TOP3A: variants seen among roughly 807,000 people sequenced by gnomAD.
TOP3A encodes the protein DNA topoisomerase III alpha.
TOP3A carries 64 observed loss-of-function variants against 111.3 expected under a neutral mutation model. That is an observed-to-expected ratio of 0.57 (90% CI 0.47 to 0.71). The LOEUF (loss-of-function observed/expected upper bound fraction) is 0.71, where lower values mean the gene tolerates loss of function less well. TOP3A is among the 30% of genes least tolerant of loss of function. The pLI, the probability that TOP3A is intolerant of heterozygous loss-of-function variation, is 0.00. For synonymous variants in TOP3A, 484 were observed against 485.1 expected (o/e 1.00, Z 0.03); for missense variants, 1,104 against 1,285.0 (o/e 0.86, Z 2.15).
chr17:18,284,403 CT>C (rs1178680035), intron 15 of TOP3A, among the ~76,000 whole-genome samples: 1 of 152,136 alleles, frequency 6.6e-6, no homozygotes, highest in Non-Finnish European at 1.5e-5. Context: ...AGCCCCTCTG[CT>C]CTTCCTGAGG....
chr17:18,302,695 G>T lies in TOP3A; in HGVS notation c.528C>A (p.Ala176=). 4 of 1,614,046 alleles carry T rather than the reference G, an allele frequency of 2.5e-6. No individual in the cohort carries two copies. The highest frequency in any genetic ancestry group is 3.4e-6 in the Non-Finnish European group (4 of 1,179,952). ...AVKPNLQVLR[A]RFSEITPHAV... Reference sequence around the variant, plus strand: ...CATGGGGTGTGATCTCAGAGAATCGGGCTCGCAACACCTGCAGATTGGGCT... The same window carrying T: ...CATGGGGTGTGATCTCAGAGAATCGTGCTCGCAACACCTGCAGATTGGGCT... The change falls in exon 6 of 19, where the codon GCC becomes GCA. Residue 176 remains alanine (A), a synonymous_variant. Transcript: ENST00000321105.
chr17:18,298,458 C>T (rs1481704189), intron 9 of TOP3A, among the ~76,000 whole-genome samples: 5 of 149,826 alleles, frequency 3.3e-5, no homozygotes, highest in Admixed American at 2.0e-4. Context: ...CCCGGCCAGC[C>T]GCCCCGTCCG....
intron 9 of TOP3A, among the ~76,000 whole-genome samples, chr17:18,295,480 C>T (rs893572813): frequency 1.3e-5 from 2 of 150,570 alleles, no homozygotes; most frequent in African/African-American, 4.9e-5. Flanking sequence ...TTTTTATTTT[C>T]GAGACAGTCT....
At chr17:18,283,905 G>A (rs9900996) in intron 15 of TOP3A, among the ~76,000 whole-genome samples, 3,940 of 152,282 alleles carry the variant, frequency 0.026, 172 homozygotes, top group African/African-American at 0.084. Flanking sequence ...AAGGGATGTG[G>A]GGAAGGGGTA....
At chr17:18,278,508 C>G (rs889786332) in intron 17 of TOP3A, 151 bp from the exon 18 acceptor site, 2 of 607,764 alleles carry the variant, frequency 3.3e-6, no homozygotes, top group Non-Finnish European at 5.3e-6. Context: ...CCTCTATCAG[C>G]CCACCACAAG....
At chr17:18,290,396 T>A in intron 13 of TOP3A, 161 bp downstream of exon 13, 1 of 781,864 alleles carries the variant, frequency 1.3e-6, no homozygotes, top group Non-Finnish European at 1.8e-6. Flanking sequence ...TTTGTGAACT[T>A]AGGTAAGTTC....
At chr17:18,303,270 AC>A (rs1183005362) in intron 5 of TOP3A, among the ~76,000 whole-genome samples, 1 of 152,096 alleles carries the variant, frequency 6.6e-6, no homozygotes, top group East Asian at 1.9e-4. Flanking sequence ...GGCCGCAGGG[AC>A]CCCTGCCCAA....
At chr17:18,293,273 G>A (rs1980592119) in intron 10 of TOP3A, among the ~76,000 whole-genome samples, 1 of 152,204 alleles carries the variant, frequency 6.6e-6, no homozygotes, top group African/African-American at 2.4e-5. Context: ...AAACTGTAAT[G>A]TGGACTCTAT....
In TOP3A at chr17:18,308,428, A is replaced by AATG; in HGVS notation, c.241-7_241-5dup. 6.3e-7 allele frequency: 1 copy of AATG among 1,582,564 alleles called. No homozygotes were observed. The highest frequency in any genetic ancestry group is 8.6e-7 in the Non-Finnish European group (1 of 1,161,096). ...AAGTCATTACCATGGTAACATTCTGAATGATGACAAAATTCAAAATTCAGT... is the reference window on the plus strand; with the variant it reads ...AAGTCATTACCATGGTAACATTCTGAATGATGATGACAAAATTCAAAATTCAGT... On this transcript the variant is annotated splice_polypyrimidine_tract_variant and splice_region_variant and intron_variant, in intron 2 of 18. Coordinates refer to ENST00000321105, the MANE Select transcript of TOP3A (RefSeq NM_004618.5).
At chr17:18,305,484 ACACG>A (rs979559380) in intron 4 of TOP3A, among the ~76,000 whole-genome samples, 30 of 148,002 alleles carry the variant, frequency 2.0e-4, no homozygotes, top group South Asian at 4.4e-4. Flanking sequence ...TAACACACAC[ACACG>A]CGCGCGCGCG....
intron 4 of TOP3A, among the ~76,000 whole-genome samples, chr17:18,306,356 T>C (rs1396690042): frequency 6.6e-6 from 1 of 152,124 alleles, no homozygotes; most frequent in Non-Finnish European, 1.5e-5. Context: ...GCGCTAATAA[T>C]TTACAATACT....
chr17:18,281,819 G>A (rs1003936774), intron 16 of TOP3A, among the ~76,000 whole-genome samples: 1 of 152,190 alleles, frequency 6.6e-6, no homozygotes, highest in African/African-American at 2.4e-5. Flanking sequence ...AGGTGGGCCA[G>A]GCAGGATGGA....
rs1981091531 is a variant in TOP3A at position 18,299,552 on chromosome 17, A to G, written c.990+7T>C. Reference sequence around the variant, plus strand: ...CGAGTGCCTGAAACAGCCTGTCTGGAACATACCACAGTGTCCAAGGCTTGA... The same window carrying G: ...CGAGTGCCTGAAACAGCCTGTCTGGGACATACCACAGTGTCCAAGGCTTGA... On this transcript the variant is annotated splice_region_variant and intron_variant, in intron 9 of 18. Coordinates refer to ENST00000321105, the MANE Select transcript of TOP3A (RefSeq NM_004618.5). 1 of 1,613,772 alleles carries G rather than the reference A, an allele frequency of 6.2e-7. No homozygotes were observed. Among genetic ancestry groups the G allele is most frequent in the African/African-American group, 1.3e-5 (1 of 74,918 alleles).
intron 8 of TOP3A, among the ~76,000 whole-genome samples, chr17:18,300,548 T>A (rs1390960150): frequency 6.6e-6 from 1 of 151,976 alleles, no homozygotes; most frequent in Non-Finnish European, 1.5e-5. Context: ...TACTTTTATA[T>A]TTTATTATTA....
rs1172915573 is a variant in TOP3A, at chr17:18,301,890, C to T, written c.910G>A (p.Val304Met). ...TACLVLYQLC[V>M]EDPMATVVEV... The stretch of plus-strand genomic sequence containing the variant: ...AGATCATTAGGGGTTCTTACCTCCA[C>T]ACACAACTGATAGAGAACTAGGCAA... Residue 304 changes from valine to methionine, a missense_variant, in exon 8 of 19, where the codon GTG becomes ATG. Physicochemically the swap from Val to Met is conservative, Grantham distance 21. Transcript: ENST00000321105. 6.2e-7 allele frequency: 1 copy of T among 1,613,938 alleles called. No individual in the cohort carries two copies. The highest frequency in any genetic ancestry group is 1.1e-5 in the South Asian group (1 of 91,084).
intron 4 of TOP3A, among the ~76,000 whole-genome samples, chr17:18,306,154 T>C (rs1015910773): frequency 1.3e-5 from 2 of 152,044 alleles, no homozygotes; most frequent in African/African-American, 4.8e-5. Flanking sequence ...TGAGCTGAGA[T>C]TGCACCATCA....
chr17:18,309,808 C>T (rs1981804838), intron 1 of TOP3A, among the ~76,000 whole-genome samples: 1 of 145,604 alleles, frequency 6.9e-6, no homozygotes, highest in Non-Finnish European at 1.5e-5. Flanking sequence ...CTCCCGGGTT[C>T]ACACCATTCT....
intron 13 of TOP3A, among the ~76,000 whole-genome samples, chr17:18,287,117 G>C (rs1448635332): frequency 2.6e-5 from 4 of 151,808 alleles, no homozygotes; most frequent in Non-Finnish European, 2.9e-5. Flanking sequence ...GGCAAATCTG[G>C]CCAGGTGCAG....
intron 5 of TOP3A, among the ~76,000 whole-genome samples, chr17:18,303,541 AGGCGAGACATCAC>A (rs1981370124): frequency 6.6e-6 from 1 of 152,202 alleles, no homozygotes. Context: ...TTATGGCTGG[AGGCGAGACATCAC>A]GGCGGCAATA....
Sources: allele counts gnomAD v4.1 joint callset (sites outside exome capture counted in the v4.1 genomes callset), GRCh38; gene constraint gnomAD v4.1.1; transcripts MANE v1.5; gene names NCBI Gene and HGNC (gene_info 2026-07-23, HGNC 2026-07-21).